The following TRPM3 variants were observed in gnomAD, a reference collection of about 807,000 sequenced individuals.
The protein encoded by TRPM3 is transient receptor potential cation channel subfamily M member 3.
TRPM3 carries 77 observed loss-of-function variants against 181.2 expected under a neutral mutation model. The observed-to-expected ratio is 0.42, with a 90% CI of 0.35 to 0.51. The LOEUF (loss-of-function observed/expected upper bound fraction) is 0.51, where lower values mean the gene tolerates loss of function less well. Among genes scored for constraint, TRPM3 ranks in the 20% least tolerant of loss-of-function variants. The probability of loss-of-function intolerance (pLI) is 0.01; values close to 1 mark genes in which losing one functional copy is unlikely to be tolerated. For missense variants in TRPM3, 1,759 were observed against 2,196.7 expected, an observed-to-expected ratio of 0.80 and a Z score of 3.98; for synonymous variants, 745 against 796.4, an observed-to-expected ratio of 0.94 and a Z score of 1.09.
intron 1 of TRPM3, among the ~76,000 whole-genome samples, chr9:71,166,980 T>C (rs748371190): frequency 1.2e-4 from 19 of 152,286 alleles, no homozygotes; most frequent in Non-Finnish European, 2.1e-4. Context: ...TATAATTTCT[T>C]ACTATCTTGT....
intron 25 of TRPM3, among the ~76,000 whole-genome samples, chr9:70,543,094 C>T (rs1185343445): frequency 6.6e-6 from 1 of 152,114 alleles, no homozygotes. Flanking sequence ...TTGGCTTACA[C>T]TGATTTAAAA....
intron 6 of TRPM3, chr9:70,809,928 A>T (rs748393029): frequency 5.6e-6 from 3 of 532,024 alleles, no homozygotes; most frequent in Middle Eastern, 6.3e-4. Flanking sequence ...ATTTCATGTC[A>T]TGGTTATCCC....
intron 1 of TRPM3, among the ~76,000 whole-genome samples, chr9:70,872,066 A>C (rs553930875): frequency 4.6e-5 from 7 of 152,038 alleles, no homozygotes; most frequent in African/African-American, 1.7e-4. Flanking sequence ...AACCGCATCA[A>C]CTAAAGAGCA....
chr9:71,108,480 C>A (rs2070267833), intron 1 of TRPM3, among the ~76,000 whole-genome samples: 1 of 152,026 alleles, frequency 6.6e-6, no homozygotes, highest in African/African-American at 2.4e-5. Flanking sequence ...ATTTCTCTGA[C>A]CAGAGCTAAA....
intron 1 of TRPM3, among the ~76,000 whole-genome samples, chr9:71,302,167 A>T (rs1310619114): frequency 2.7e-5 from 4 of 147,786 alleles, no homozygotes. Flanking sequence ...TAGTTTAAAA[A>T]ATTTACACAT....
intron 1 of TRPM3, among the ~76,000 whole-genome samples, chr9:70,947,922 A>G (rs1589994190): frequency 6.6e-6 from 1 of 152,314 alleles, no homozygotes; most frequent in South Asian, 2.1e-4. Flanking sequence ...TTTCTGTAGC[A>G]AAACTAAGTA....
At chr9:70,790,688 A>G (rs2085156391) in intron 6 of TRPM3, among the ~76,000 whole-genome samples, 1 of 152,182 alleles carries the variant, frequency 6.6e-6, no homozygotes, top group Non-Finnish European at 1.5e-5. Context: ...TCTTTAACTA[A>G]TGCATCTCTT....
At chr9:71,179,628 G>A (rs919146757) in intron 1 of TRPM3, among the ~76,000 whole-genome samples, 8 of 152,088 alleles carry the variant, frequency 5.3e-5, no homozygotes, top group African/African-American at 1.4e-4. Flanking sequence ...GAATGGTAAG[G>A]AAATCACAGA....
rs373142219 is a variant in TRPM3, at chr9:71,193,936, G to A, written c.183+252717C>T. On this transcript the variant is annotated intron_variant, in intron 1 of 24. Coordinates refer to the TRPM3 transcript ENST00000357533. Reference sequence around the variant, plus strand: ...AAACACCAATTAATGATCACTCAGCGTGCACCCAAACCATCAAAGTTAGGT... The same window carrying A: ...AAACACCAATTAATGATCACTCAGCATGCACCCAAACCATCAAAGTTAGGT... Among the ~76,000 whole-genome samples, 42 of 151,852 alleles carry A rather than the reference G, an allele frequency of 2.8e-4. 1 individual carries two copies. Among genetic ancestry groups the A allele is most frequent in the Middle Eastern group, 3.4e-3 (1 of 294 alleles).
At chr9:70,652,169 G>C (rs1416348328) in intron 9 of TRPM3, among the ~76,000 whole-genome samples, 1 of 152,162 alleles carries the variant, frequency 6.6e-6, no homozygotes, top group Non-Finnish European at 1.5e-5. Context: ...TGAAAAGATG[G>C]TGGCTATATG....
intron 1 of TRPM3, among the ~76,000 whole-genome samples, chr9:71,228,975 T>A (rs1393494538): frequency 6.6e-6 from 1 of 152,050 alleles, no homozygotes; most frequent in Non-Finnish European, 1.5e-5. Context: ...GATCAAAAAA[T>A]TTGTGTGGAA....
intron 1 of TRPM3, among the ~76,000 whole-genome samples, chr9:71,167,799 A>C (rs1448334452): frequency 6.6e-6 from 1 of 152,164 alleles, no homozygotes; most frequent in African/African-American, 2.4e-5. Context: ...TGACAGCACA[A>C]TTTAAAAAAA....
chr9:70,850,673 C>T (rs937713957), intron 3 of TRPM3, among the ~76,000 whole-genome samples: 5 of 152,082 alleles, frequency 3.3e-5, no homozygotes, highest in Non-Finnish European at 5.9e-5. Flanking sequence ...TGTGGTTTAG[C>T]GACTTGAATA....
At chr9:71,270,165 C>T (rs912894865) in intron 1 of TRPM3, among the ~76,000 whole-genome samples, 9 of 152,248 alleles carry the variant, frequency 5.9e-5, no homozygotes, top group East Asian at 1.9e-4. Flanking sequence ...GCCTGGCCAA[C>T]GTGGGGAAAC....
At chr9:70,698,077 A>G (rs1448565728) in intron 8 of TRPM3, among the ~76,000 whole-genome samples, 2 of 152,014 alleles carry the variant, frequency 1.3e-5, no homozygotes, top group African/African-American at 2.4e-5. Flanking sequence ...GTGTGGTGGC[A>G]TCAGCTTGTA....
At chr9:70,795,374 G>A (rs1197417062) in intron 6 of TRPM3, among the ~76,000 whole-genome samples, 6 of 152,080 alleles carry the variant, frequency 3.9e-5, no homozygotes, top group Admixed American at 3.9e-4. Flanking sequence ...TATCTATTAA[G>A]CTTATACAAA....
Position 71,084,063 on chromosome 9 carries a change from G to A in TRPM3, c.177+37115C>T, listed in dbSNP as rs541050253. On this transcript the variant is annotated intron_variant, in intron 1 of 25. Transcript: ENST00000677713. Reference sequence around the variant, plus strand: ...AGACAGGGATTCTACAGAAGAAGGAGATTTTTGAAAGAAGGGAAGAAGGCA... The same window carrying A: ...AGACAGGGATTCTACAGAAGAAGGAAATTTTTGAAAGAAGGGAAGAAGGCA... Among the ~76,000 whole-genome samples, 9 of 152,018 alleles carry A rather than the reference G, an allele frequency of 5.9e-5. No individual in the cohort carries two copies. The South Asian group carries it at 1.9e-3, about 32-fold the overall frequency.
chr9:70,625,230 G>C lies in TRPM3; in HGVS notation c.1770C>G (p.Arg590=), dbSNP rs1395588940. The change falls in exon 14 of 26, where the codon CGC becomes CGG. Residue 590 remains arginine (R), a synonymous_variant. Transcript: ENST00000677713. This position sits in a 1 kb window ranked among gnomAD's most constrained non-coding sequence, Gnocchi z 4.8. ...GAYRCNYTRK[R]FRTLYHNLFG... ...AGAGGTTGTGGTAGAGGGTCCGGAA[G>C]CGCTTGCGCGTGTAGTTGCAGCGAT... 1 of 1,614,110 alleles carries C rather than the reference G, an allele frequency of 6.2e-7. No homozygotes were observed. Among genetic ancestry groups the C allele is most frequent in the South Asian group, 1.1e-5 (1 of 91,068 alleles).
chr9:70,774,595 T>A (rs2080988073), intron 7 of TRPM3: 1 of 152,120 alleles, frequency 6.6e-6, no homozygotes, highest in Admixed American at 6.6e-5. Flanking sequence ...TTAGAGATAA[T>A]AAAATCTCAA....
Sources: gnomAD v4.1 joint callset for allele counts (sites outside exome capture counted in the v4.1 genomes callset) on GRCh38, gnomAD v4.1.1 for gene constraint, Gnocchi (gnomAD v3.1) non-coding constraint, MANE v1.5 for transcripts, NCBI Gene and HGNC (gene_info 2026-07-23, HGNC 2026-07-21) for gene names.